HIF1AN: variants seen among roughly 807,000 people sequenced by gnomAD.
HIF1AN encodes hypoxia inducible factor 1 subunit alpha inhibitor.
Under a neutral mutation model 47.7 loss-of-function variants are expected in HIF1AN, and 21 were observed. That is an observed-to-expected ratio of 0.44 (90% CI 0.31 to 0.63). The LOEUF (loss-of-function observed/expected upper bound fraction) is 0.63, where lower values mean the gene tolerates loss of function less well. Ranked by LOEUF, HIF1AN falls within the 30% of genes least tolerant of loss-of-function variation. The probability of loss-of-function intolerance (pLI) is 0.07; values close to 1 mark genes in which losing one functional copy is unlikely to be tolerated. For synonymous variants in HIF1AN, 152 were observed against 155.9 expected (o/e 0.98, Z 0.18); for missense variants, 320 against 432.7 (o/e 0.74, Z 2.31).
At position 100,559,145 on chromosome 10, in the gene HIF1AN, A is replaced by G. The variant is rs983553896; in HGVS notation, c.*11008A>G. The G allele has an allele frequency of 3.3e-5, 5 of 151,860 alleles. No individual in the cohort carries two copies. The highest frequency in any genetic ancestry group is 9.7e-5 in the African/African-American group (4 of 41,330). 9.4% of individuals were successfully genotyped at this position (151,860 alleles called of 1,614,324 possible). ...GTCTTTCTGTAGTTTTAGAACATTT[A>G]GAACAACTTAAGATTTCCTGTATTT... is the stretch of plus-strand genomic sequence containing the variant. On this transcript the variant is annotated 3_prime_UTR_variant, in exon 8 of 8. Coordinates refer to ENST00000299163, the MANE Select transcript of HIF1AN (RefSeq NM_017902.3).
intron 2 of HIF1AN, among the ~76,000 whole-genome samples, chr10:100,540,050 C>G (rs890418176): frequency 6.6e-6 from 1 of 151,932 alleles, no homozygotes; most frequent in African/African-American, 2.4e-5. Flanking sequence ...CTCTTGTCAC[C>G]CAGGCTGGAG....
chr10:100,535,966 C>T lies in HIF1AN; in HGVS notation c.8C>T (p.Ala3Val), dbSNP rs777387138. 3.2e-6 allele frequency: 5 copies of T among 1,548,222 alleles called. No individual in the cohort carries two copies. Among genetic ancestry groups the T allele is most frequent in the Non-Finnish European group, 4.4e-6 (5 of 1,147,874 alleles). Residue 3 changes from alanine to valine, a missense_variant, in exon 1 of 8, where the codon GCG (alanine) becomes GTG (valine). Physicochemically the swap from Ala to Val is moderately conservative, Grantham distance 64. Transcript: ENST00000299163. ...CCGTCCCTGGCGGCGGAGATGGCGG[C>T]GACAGCGGCGGAGGCTGTGGCCTCT... MA[A>V]TAAEAVASGS... is the part of the protein sequence containing the mutation.
intron 2 of HIF1AN, among the ~76,000 whole-genome samples, chr10:100,538,789 C>G (rs961179749): frequency 1.4e-5 from 2 of 148,128 alleles, no homozygotes; most frequent in African/African-American, 5.0e-5. Context: ...CCACTGCACT[C>G]CAGCCTGGGT....
At chr10:100,542,856 T>G (rs1282448444) in intron 3 of HIF1AN, among the ~76,000 whole-genome samples, 137 of 144,062 alleles carry the variant, frequency 9.5e-4, no homozygotes, top group African/African-American at 3.1e-3. Flanking sequence ...GTTTTTTTTT[T>G]TTTTTTTTTT....
rs796836809 is a variant in HIF1AN, at chr10:100,559,896, C to G, written c.*11759C>G. Reference sequence around the variant, plus strand: ...CTAGCAGCCGTTAAAAGATGGCCACCGCTAGTCCAGTCGGCCACAGACATG... The same window carrying G: ...CTAGCAGCCGTTAAAAGATGGCCACGGCTAGTCCAGTCGGCCACAGACATG... On this transcript the variant is annotated 3_prime_UTR_variant, in exon 8 of 8. Transcript: ENST00000299163. 15 of 152,170 alleles carry G rather than the reference C, an allele frequency of 9.9e-5. No individual in the cohort carries two copies. Among genetic ancestry groups the G allele is most frequent in the African/African-American group, 3.1e-4 (13 of 41,446 alleles). The allele number at this position is 152,170 out of a possible 1,614,324, so 9.4% of individuals were successfully genotyped here. A position where few individuals can be genotyped will look rare whatever the true frequency, so the allele number is the denominator to read the frequency against.
intron 2 of HIF1AN, among the ~76,000 whole-genome samples, chr10:100,539,985 G>A (rs1247458413): frequency 6.6e-6 from 1 of 151,968 alleles, no homozygotes; most frequent in Non-Finnish European, 1.5e-5. Flanking sequence ...GGGAACCTCC[G>A]TGGATTCTTT....
chr10:100,542,250 T>C (rs1401004101), intron 3 of HIF1AN, among the ~76,000 whole-genome samples: 1 of 152,208 alleles, frequency 6.6e-6, no homozygotes, highest in African/African-American at 2.4e-5. Context: ...GGCACATGAC[T>C]GTACCACTTT....
In HIF1AN at chr10:100,542,385, G is replaced by A. The variant is rs553002648; in HGVS notation, c.577+1603G>A. Among the ~76,000 whole-genome samples the A allele has an allele frequency of 2.5e-3, 378 of 151,958 alleles. 1 individual carries two copies. Among genetic ancestry groups the A allele is most frequent in the African/African-American group, 8.4e-3 (347 of 41,424 alleles). On this transcript the variant is annotated intron_variant, in intron 3 of 7. Coordinates refer to ENST00000299163, the MANE Select transcript of HIF1AN (RefSeq NM_017902.3). ...TTATTTATTTTTGAGACAGAGTCTC[G>A]CTCTGTCGCCCAGGCTGGAGTGCAG...
chr10:100,540,663 C>G lies in HIF1AN; in HGVS notation c.458C>G (p.Thr153Ser). The G allele has an allele frequency of 6.2e-7, 1 of 1,613,748 alleles. No individual in the cohort carries two copies. The highest frequency in any genetic ancestry group is 1.1e-5 in the South Asian group (1 of 91,022). ...TATCTGCAGCAAACGCTCAATGACA[C>G]TGTGGGCAGGAAGATTGTCATGGAC... ...RLYLQQTLND[T>S]VGRKIVMDFL... The change falls in exon 3 of 8, where the codon ACT (threonine) becomes AGT (serine). Residue 153 changes from threonine to serine, a missense_variant. This residue lies in a region of HIF1AN where 161 missense variants were observed against 272.8 expected (regional missense o/e 0.59). Coordinates refer to ENST00000299163, the MANE Select transcript of HIF1AN (RefSeq NM_017902.3).
chr10:100,550,376 AG>A lies in HIF1AN; in HGVS notation c.*2241del, dbSNP rs1170481886. The A allele has an allele frequency of 6.6e-6, 1 of 152,214 alleles. No individual in the cohort carries two copies. Among genetic ancestry groups the A allele is most frequent in the Non-Finnish European group, 1.5e-5 (1 of 68,038 alleles). The allele number at this position is 152,214 out of a possible 1,614,324, so 9.4% of individuals were successfully genotyped here. On this transcript the variant is annotated 3_prime_UTR_variant, in exon 8 of 8. Coordinates refer to ENST00000299163, the MANE Select transcript of HIF1AN (RefSeq NM_017902.3). ...TCTCTTTGTTCCTCACTATCCTGCA[AG>A]GTAGGTATTCTCACTTACAGATGAA... is the stretch of plus-strand genomic sequence containing the variant.
chr10:100,536,011 A>C lies in HIF1AN; in HGVS notation c.53A>C (p.Glu18Ala). 3 of 1,579,624 alleles carry C rather than the reference A, an allele frequency of 1.9e-6. No homozygotes were observed. Among genetic ancestry groups the C allele is most frequent in the Non-Finnish European group, 2.6e-6 (3 of 1,164,460 alleles). ...AVASGSGEPR[E>A]EAGALGPAWD... ...GCCTCTGGCTCTGGAGAGCCCCGGG[A>C]GGAGGCTGGAGCCCTCGGCCCCGCC... The change falls in exon 1 of 8, where the codon GAG (glutamate) becomes GCG (alanine). Residue 18 changes from glutamate (E) to alanine (A), a missense_variant. Glu to Ala is a moderately radical substitution (Grantham distance 107, BLOSUM62 -1). Transcript: ENST00000299163.
In HIF1AN at chr10:100,550,891, A is replaced by T. The variant is rs1843151560; in HGVS notation, c.*2754A>T. Reference sequence around the variant, plus strand: ...GAAAAGATGAGGTTTTTCCCCTTCGATTACCTTTTGAGGGATGTTTAGGCT... The same window carrying T: ...GAAAAGATGAGGTTTTTCCCCTTCGTTTACCTTTTGAGGGATGTTTAGGCT... On this transcript the variant is annotated 3_prime_UTR_variant, in exon 8 of 8. Coordinates refer to ENST00000299163, the MANE Select transcript of HIF1AN (RefSeq NM_017902.3). The T allele has an allele frequency of 6.6e-6, 1 of 152,156 alleles. No individual in the cohort carries two copies. The highest frequency in any genetic ancestry group is 1.5e-5 in the Non-Finnish European group (1 of 68,034). The allele number at this position is 152,156 out of a possible 1,614,324, so 9.4% of individuals were successfully genotyped here.
At chr10:100,545,442 A>T (rs2133727184) in intron 4 of HIF1AN, 1 of 250,286 alleles carries the variant, frequency 4.0e-6, no homozygotes, top group Non-Finnish European at 7.6e-6. Context: ...TTTGTCATGG[A>T]TGCTATTTCT....
chr10:100,552,265 TTC>T lies in HIF1AN; in HGVS notation c.*4134_*4135del, dbSNP rs1291776250. Reference sequence around the variant, plus strand: ...AGGATGAAGGAATGCGGGTTGGTGGTTCTCTCTTTCAGAATGGGAACTTCCCA... The same window carrying T: ...AGGATGAAGGAATGCGGGTTGGTGGTTCTCTTTCAGAATGGGAACTTCCCA... On this transcript the variant is annotated 3_prime_UTR_variant, in exon 8 of 8. Transcript: ENST00000299163. The T allele has an allele frequency of 2.6e-5, 4 of 152,208 alleles. No individual in the cohort carries two copies. The highest frequency in any genetic ancestry group is 4.8e-5 in the African/African-American group (2 of 41,454). 9.4% of individuals were successfully genotyped at this position (152,208 alleles called of 1,614,324 possible).
At chr10:100,538,024 A>G (rs1211470666) in intron 2 of HIF1AN, among the ~76,000 whole-genome samples, 1 of 152,228 alleles carries the variant, frequency 6.6e-6, no homozygotes, top group Non-Finnish European at 1.5e-5. Context: ...TGAGAGAAAG[A>G]TTGATTTAAA....
intron 3 of HIF1AN, among the ~76,000 whole-genome samples, chr10:100,541,539 T>A (rs1843032820): frequency 6.6e-6 from 1 of 152,180 alleles, no homozygotes; most frequent in African/African-American, 2.4e-5. Context: ...CTCACTCTGT[T>A]GCCTAGGCTG....
At chr10:100,536,792 G>T (rs1386508507) in intron 2 of HIF1AN, 131 bp downstream of exon 2, 12 of 999,834 alleles carry the variant, frequency 1.2e-5, no homozygotes, top group Admixed American at 4.4e-5. Context: ...CCAGTTGAAG[G>T]AGTAGTCTGG....
rs1204089396 is a variant in HIF1AN at position 100,557,953 on chromosome 10, A to T, written c.*9816A>T. The T allele has an allele frequency of 6.6e-6, 1 of 152,218 alleles. No homozygotes were observed. Among genetic ancestry groups the T allele is most frequent in the Non-Finnish European group, 1.5e-5 (1 of 68,056 alleles). The allele number at this position is 152,218 out of a possible 1,614,324, so 9.4% of individuals were successfully genotyped here. A position where few individuals can be genotyped will look rare whatever the true frequency, so the allele number is the denominator to read the frequency against. The stretch of plus-strand genomic sequence containing the variant: ...TCTTAGTGTGAACAAGTAACATCAG[A>T]TTTCCCTTTTCTGAGGAGAGATCAG... On this transcript the variant is annotated 3_prime_UTR_variant, in exon 8 of 8. Coordinates refer to ENST00000299163, the MANE Select transcript of HIF1AN (RefSeq NM_017902.3).
At position 100,548,189 on chromosome 10, in the gene HIF1AN, G is replaced by A. The variant is rs367773236; in HGVS notation, c.*52G>A. The A allele has an allele frequency of 1.1e-4, 167 of 1,484,734 alleles. No individual in the cohort carries two copies. The highest frequency in any genetic ancestry group is 1.8e-4 in the Middle Eastern group (1 of 5,648). The allele number at this position is 1,484,734 out of a possible 1,614,324, so 92.0% of individuals were successfully genotyped here. ...AGGTGACTGCTATCCCGTCCACACC[G>A]CTTCATTGATGAGGACAGGAGACTC... On this transcript the variant is annotated 3_prime_UTR_variant, in exon 8 of 8. Transcript: ENST00000299163.
Sources: gnomAD v4.1 joint callset for allele counts (sites outside exome capture counted in the v4.1 genomes callset) on GRCh38, gnomAD v4.1.1 for gene constraint, gnomAD v4.1.1 regional missense constraint, MANE v1.5 for transcripts, NCBI Gene and HGNC (gene_info 2026-07-23, HGNC 2026-07-21) for gene names.